SGCD: variants seen among roughly 807,000 people sequenced by gnomAD.
The protein encoded by SGCD is sarcoglycan delta.
Under a neutral mutation model 36.6 loss-of-function variants are expected in SGCD, and 18 were observed. That is an observed-to-expected ratio of 0.49 (90% CI 0.34 to 0.73). The LOEUF is 0.73. SGCD is among the 30% of genes least tolerant of loss of function. The probability of loss-of-function intolerance (pLI) is 0.01; values close to 1 mark genes in which losing one functional copy is unlikely to be tolerated. For synonymous variants in SGCD, 133 were observed against 130.6 expected (o/e 1.02, Z -0.12); for missense variants, 387 against 346.7 (o/e 1.12, Z -0.92).
At chr5:156,015,732 A>G (rs1442693624) in intron 1 of SGCD, among the ~76,000 whole-genome samples, 1 of 151,502 alleles carries the variant, frequency 6.6e-6, no homozygotes, top group Non-Finnish European at 1.5e-5. Flanking sequence ...ATATGTATAT[A>G]TGATGTATGA....
At chr5:155,842,543 A>G in the SGCD span, among the ~76,000 whole-genome samples, 36 of 152,242 alleles carry the variant, frequency 2.4e-4, no homozygotes, top group African/African-American at 8.7e-4. Context: ...ACTGCACTCC[A>G]GCCTCACGAC....
the SGCD span, among the ~76,000 whole-genome samples, chr5:155,851,200 C>T: frequency 2.6e-5 from 4 of 152,124 alleles, no homozygotes; most frequent in African/African-American, 4.8e-5. Flanking sequence ...AATATGGCGA[C>T]ATGCAGTGTG....
intron 3 of SGCD, among the ~76,000 whole-genome samples, chr5:156,306,483 T>G (rs2135035): frequency 0.46 from 70,302 of 152,066 alleles, 17,872 homozygotes; most frequent in East Asian, 0.83. Flanking sequence ...TTCCCAGTTT[T>G]GGGTATGTCT....
chr5:156,436,132 GACC>G (rs1460274418), intron 3 of SGCD, among the ~76,000 whole-genome samples: 1 of 152,084 alleles, frequency 6.6e-6, no homozygotes, highest in Non-Finnish European at 1.5e-5. Context: ...TCTCAATGTG[GACC>G]AGGTACCACC....
At chr5:156,145,115 G>A (rs1416162441) in intron 3 of SGCD, among the ~76,000 whole-genome samples, 1 of 152,160 alleles carries the variant, frequency 6.6e-6, no homozygotes, top group Non-Finnish European at 1.5e-5. Context: ...CTGATGGGAG[G>A]TGATTGAGTC....
intron 1 of SGCD, among the ~76,000 whole-genome samples, chr5:155,996,902 TAGATAGAC>T (rs1159102597): frequency 2.5e-4 from 36 of 144,178 alleles, no homozygotes; most frequent in East Asian, 2.3e-3. Flanking sequence ...GATAGATAGA[TAGATAGAC>T]AGACAGACAG....
chr5:156,410,571 G>A (rs892839637), intron 3 of SGCD, among the ~76,000 whole-genome samples: 4 of 152,234 alleles, frequency 2.6e-5, no homozygotes, highest in Non-Finnish European at 5.9e-5. Flanking sequence ...CAGAGCTGGT[G>A]TAGGAATTAA....
At chr5:156,289,894 C>G (rs752275848) in intron 3 of SGCD, among the ~76,000 whole-genome samples, 2 of 151,964 alleles carry the variant, frequency 1.3e-5, no homozygotes, top group African/African-American at 2.4e-5. Context: ...TCTAGAATTT[C>G]CCCATCTTTA....
At chr5:155,784,925 A>C in the SGCD span, among the ~76,000 whole-genome samples, 3,671 of 152,166 alleles carry the variant, frequency 0.024, 76 homozygotes, top group South Asian at 0.038. Flanking sequence ...CAAGATTTTA[A>C]AATTGCTGAT....
chr5:155,956,641 T>C (rs2113441501), intron 1 of SGCD, among the ~76,000 whole-genome samples: 1 of 152,240 alleles, frequency 6.6e-6, no homozygotes, highest in Middle Eastern at 3.4e-3. Flanking sequence ...AGGGCCGTGC[T>C]CCCTTGGAAG....
chr5:156,240,305 G>A (rs2127655787), intron 3 of SGCD, among the ~76,000 whole-genome samples: 1 of 152,196 alleles, frequency 6.6e-6, no homozygotes, highest in Non-Finnish European at 1.5e-5. Flanking sequence ...AGAGGAGGGA[G>A]TGAAAGGAAT....
chr5:155,888,519 AGATAAC>A (rs1756055470), intron 1 of SGCD, among the ~76,000 whole-genome samples: 1 of 152,230 alleles, frequency 6.6e-6, no homozygotes, highest in South Asian at 2.1e-4. Context: ...GCAAAGAAGC[AGATAAC>A]TCTGTGTATT....
Position 156,423,409 on chromosome 5 carries a change from TAATATATTATATTTTAATAA to T in SGCD, c.192+78739_192+78758del, listed in dbSNP as rs1488414000. ...TAATATATTATATTTTATTATAATATAATATATTATATTTTAATAAAATATAATATATTTATTTTATTATA... is the reference window on the plus strand; with the variant it reads ...TAATATATTATATTTTATTATAATATAATATAATATATTTATTTTATTATA... On this transcript the variant is annotated intron_variant, in intron 3 of 8. Transcript: ENST00000337851. 9.8e-5 allele frequency among the ~76,000 whole-genome samples: 12 copies of T among 122,154 alleles called. 1 individual carries two copies. The South Asian group carries it at 1.3e-3, about 14-fold the overall frequency. 80.1% of individuals were successfully genotyped at this position (122,154 alleles called of 152,430 possible). A position where few individuals can be genotyped will look rare whatever the true frequency, so the allele number is the denominator to read the frequency against.
intron 3 of SGCD, among the ~76,000 whole-genome samples, chr5:156,259,047 T>A (rs1002922961): frequency 6.6e-6 from 1 of 151,986 alleles, no homozygotes; most frequent in African/African-American, 2.4e-5. Flanking sequence ...TCAGAGTGAT[T>A]TTACAATTTT....
chr5:156,575,921 T>A (rs1759924171), intron 4 of SGCD, among the ~76,000 whole-genome samples: 1 of 152,148 alleles, frequency 6.6e-6, no homozygotes, highest in African/African-American at 2.4e-5. Context: ...CATAAAAATT[T>A]GGGAGCTCAA....
intron 3 of SGCD, among the ~76,000 whole-genome samples, chr5:156,490,422 A>G (rs979844037): frequency 1.2e-4 from 18 of 152,120 alleles, no homozygotes; most frequent in African/African-American, 3.4e-4. Context: ...TGACAGGCCA[A>G]TATTTCTAAT....
At chr5:156,283,773 C>G (rs922756582) in intron 3 of SGCD, among the ~76,000 whole-genome samples, 5 of 152,104 alleles carry the variant, frequency 3.3e-5, no homozygotes, top group Admixed American at 3.3e-4. Context: ...GAATTTTTAA[C>G]CAATTCTCAA....
intron 6 of SGCD, among the ~76,000 whole-genome samples, chr5:156,623,829 A>T (rs116712009): frequency 7.2e-5 from 11 of 152,140 alleles, no homozygotes; most frequent in African/African-American, 2.4e-4. Flanking sequence ...TTGACTTCCT[A>T]TCTGTCTAGC....
chr5:156,028,911 C>T (rs759334284), intron 1 of SGCD, among the ~76,000 whole-genome samples: 5 of 152,090 alleles, frequency 3.3e-5, no homozygotes, highest in Admixed American at 6.6e-5. Flanking sequence ...CCACTCAGCA[C>T]GAAATCACAA....
Sources: gnomAD v4.1 joint callset for allele counts (sites outside exome capture counted in the v4.1 genomes callset) on GRCh38, gnomAD v4.1.1 for gene constraint, MANE v1.5 for transcripts, NCBI Gene and HGNC (gene_info 2026-07-23, HGNC 2026-07-21) for gene names.